The following NOX4 variants were observed in gnomAD, a reference collection of about 807,000 sequenced individuals.
NOX4 encodes kidney oxidase-1.
NOX4 carries 69 observed loss-of-function variants against 87.6 expected under a neutral mutation model. That is an observed-to-expected ratio of 0.79 (90% CI 0.65 to 0.96). The LOEUF (loss-of-function observed/expected upper bound fraction) is 0.96. Among genes scored for constraint, NOX4 ranks in the 40% least tolerant of loss-of-function variants. The pLI, the probability that NOX4 is intolerant of heterozygous loss-of-function variation, is 0.00. For synonymous variants in NOX4, 275 were observed against 238.2 expected (o/e 1.15, Z -1.42); for missense variants, 680 against 681.5 (o/e 1.00, Z 0.02).
chr11:89,427,599 A>G (rs991581519), intron 7 of NOX4, among the ~76,000 whole-genome samples: 6 of 152,216 alleles, frequency 3.9e-5, no homozygotes, highest in Non-Finnish European at 5.9e-5. Context: ...AGCCGATTCA[A>G]TCAACTGGAA....
At chr11:89,387,780 A>G (rs1292217764) in intron 11 of NOX4, among the ~76,000 whole-genome samples, 4 of 152,192 alleles carry the variant, frequency 2.6e-5, no homozygotes, top group Non-Finnish European at 5.9e-5. Flanking sequence ...GCTTTTTCCA[A>G]TCATCTCTAA....
the NOX4 span, among the ~76,000 whole-genome samples, chr11:89,568,146 C>A: frequency 6.6e-6 from 1 of 151,976 alleles, no homozygotes; most frequent in African/African-American, 2.4e-5. Context: ...CTGAGCCTGG[C>A]CCCCCGTGAA....
chr11:89,529,549 G>T, the NOX4 span, among the ~76,000 whole-genome samples: 1 of 152,136 alleles, frequency 6.6e-6, no homozygotes, highest in African/African-American at 2.4e-5. Flanking sequence ...TTGTTAAAAA[G>T]ACATACATAT....
chr11:89,362,794 C>A (rs1381411333), intron 12 of NOX4, among the ~76,000 whole-genome samples: 1 of 151,894 alleles, frequency 6.6e-6, no homozygotes, highest in Non-Finnish European at 1.5e-5. Flanking sequence ...AAACACCACA[C>A]CAATGCAGAC....
chr11:89,516,856 G>A, the NOX4 span, among the ~76,000 whole-genome samples: 38 of 152,036 alleles, frequency 2.5e-4, no homozygotes, highest in African/African-American at 8.2e-4. Context: ...TGATAGCATC[G>A]TGGGTATTTG....
chr11:89,390,440 T>C (rs1941045739), intron 11 of NOX4, among the ~76,000 whole-genome samples: 2 of 152,200 alleles, frequency 1.3e-5, no homozygotes, highest in Admixed American at 1.3e-4. Context: ...AAGCCAACTA[T>C]TGTAACAATT....
At position 89,451,769 on chromosome 11, in the gene NOX4, G is replaced by C. The variant is rs1272487600; in HGVS notation, c.264+16C>G. The C allele has an allele frequency of 2.6e-6, 4 of 1,515,926 alleles. No individual in the cohort carries two copies. The highest frequency in any genetic ancestry group is 9.2e-7 in the Non-Finnish European group (1 of 1,091,036). 93.9% of individuals were successfully genotyped at this position (1,515,926 alleles called of 1,614,324 possible). On this transcript the variant is annotated intron_variant, in intron 3 of 17. Coordinates refer to ENST00000263317, the MANE Select transcript of NOX4 (RefSeq NM_016931.5). ...TTTTTATGCTGGAATTTGAAAGTAG[G>C]ACTGTTTTTTCTTACCTTCTGTGAT...
chr11:89,414,452 C>T (rs1231121410), intron 8 of NOX4, among the ~76,000 whole-genome samples: 3 of 151,658 alleles, frequency 2.0e-5, no homozygotes, highest in Non-Finnish European at 2.9e-5. Context: ...GCTTTCTTTG[C>T]TATGTTTTGA....
chr11:89,418,428 T>G (rs1042506067), intron 8 of NOX4, among the ~76,000 whole-genome samples: 5 of 105,484 alleles, frequency 4.7e-5, no homozygotes, highest in African/African-American at 2.2e-4. Context: ...TTGAGAATAA[T>G]AATAATAATA....
intron 7 of NOX4, among the ~76,000 whole-genome samples, chr11:89,431,788 T>C (rs1056718661): frequency 2.6e-5 from 4 of 152,188 alleles, no homozygotes; most frequent in African/African-American, 4.8e-5. Context: ...TGGAAGACAG[T>C]GTGGCGATTC....
intron 11 of NOX4, among the ~76,000 whole-genome samples, chr11:89,389,306 C>T (rs371533546): frequency 6.6e-6 from 1 of 152,104 alleles, no homozygotes; most frequent in African/African-American, 2.4e-5. Flanking sequence ...CTAATAAATT[C>T]GTGCTTAAAG....
the NOX4 span, among the ~76,000 whole-genome samples, chr11:89,506,263 GA>G: frequency 8.9e-6 from 1 of 112,770 alleles, no homozygotes; most frequent in African/African-American, 3.3e-5. Context: ...AAAAAAGAAA[GA>G]GAAAGAAAGA....
Position 89,421,922 on chromosome 11 carries a change from C to A in NOX4, c.609G>T (p.Leu203=). 8 of 1,569,624 alleles carry A rather than the reference C, an allele frequency of 5.1e-6. No individual in the cohort carries two copies. Among genetic ancestry groups the A allele is most frequent in the Non-Finnish European group, 6.0e-6 (7 of 1,161,152 alleles). ...CTTACCCTGAAACATGCAACGTCAGCAGCATGTAGAAGACAAAGAAGAGGT... is the reference window on the plus strand; with the variant it reads ...CTTACCCTGAAACATGCAACGTCAGAAGCATGTAGAAGACAAAGAAGAGGT... ...THNLFFVFYM[L]LTLHVSGGLL... is the part of the protein sequence containing the mutation. Residue 203 remains leucine, a synonymous_variant, in exon 8 of 18, where the codon CTG becomes CTT. Transcript: ENST00000263317.
At chr11:89,536,695 TCTC>T in the NOX4 span, among the ~76,000 whole-genome samples, 9 of 152,302 alleles carry the variant, frequency 5.9e-5, no homozygotes, top group East Asian at 1.7e-3. Flanking sequence ...TACTCCTTTT[TCTC>T]CTCCTCCTCA....
the NOX4 span, among the ~76,000 whole-genome samples, chr11:89,535,058 G>T: frequency 6.6e-6 from 1 of 151,978 alleles, no homozygotes; most frequent in East Asian, 1.9e-4. Flanking sequence ...ATCTGTCTCC[G>T]CAATCTGAGA....
chr11:89,560,961 C>CATCTCTCTCTCTCTCTCTCT, the NOX4 span, among the ~76,000 whole-genome samples: 3 of 52,540 alleles, frequency 5.7e-5, no homozygotes, highest in African/African-American at 2.8e-4. Flanking sequence ...CATCTCATCT[C>CATCTCTCTCTCTCTCTCTCT]GTCTCTCTCT....
At chr11:89,461,813 C>T (rs1945481831) in intron 2 of NOX4, among the ~76,000 whole-genome samples, 2 of 151,980 alleles carry the variant, frequency 1.3e-5, no homozygotes, top group South Asian at 4.1e-4. Context: ...TTACCTCTTT[C>T]AAGTTATGGA....
chr11:89,381,442 G>T (rs560189606), intron 11 of NOX4, among the ~76,000 whole-genome samples: 1 of 152,102 alleles, frequency 6.6e-6, no homozygotes, highest in East Asian at 1.9e-4. Context: ...TGGCCCAAAA[G>T]CTCCCCCACT....
At chr11:89,406,494 G>A (rs1565249282) in intron 8 of NOX4, among the ~76,000 whole-genome samples, 1 of 151,946 alleles carries the variant, frequency 6.6e-6, no homozygotes, top group Non-Finnish European at 1.5e-5. Context: ...GCCCCACACC[G>A]CCACTGTGAT....
Sources: gnomAD v4.1 joint callset for allele counts (sites outside exome capture counted in the v4.1 genomes callset) on GRCh38, gnomAD v4.1.1 for gene constraint, MANE v1.5 for transcripts, NCBI Gene and HGNC (gene_info 2026-07-23, HGNC 2026-07-21) for gene names.